Variants in SAMD5 observed in about 807,000 individuals in gnomAD.
SAMD5 encodes sterile alpha motif domain-containing protein 5.
SAMD5 carries 13 observed loss-of-function variants against 11.3 expected under a neutral mutation model. The observed-to-expected ratio is 1.15, with a 90% CI of 0.75 to 1.83. The LOEUF (loss-of-function observed/expected upper bound fraction) is 1.83. Ranked by LOEUF, SAMD5 falls within the 40% of genes most tolerant of loss-of-function variation. SAMD5 has a pLI of 0.00. For missense variants in SAMD5, 255 were observed against 239.1 expected (o/e 1.07, Z -0.44); for synonymous variants, 129 against 111.3 (o/e 1.16, Z -1.00).
chr6:147,535,189 G>A (rs936994258), intron 1 of SAMD5, among the ~76,000 whole-genome samples: 3 of 152,212 alleles, frequency 2.0e-5, no homozygotes, highest in African/African-American at 7.2e-5. Flanking sequence ...TAGTGGGAAT[G>A]GGAGTGAACC....
chr6:147,825,171 G>A, the SAMD5 span, among the ~76,000 whole-genome samples: 1 of 152,002 alleles, frequency 6.6e-6, no homozygotes, highest in Non-Finnish European at 1.5e-5. Context: ...GGTGGTGCAT[G>A]CCTGTAATCC....
chr6:147,769,869 A>C, the SAMD5 span, among the ~76,000 whole-genome samples: 1 of 152,200 alleles, frequency 6.6e-6, no homozygotes, highest in South Asian at 2.1e-4. Flanking sequence ...TTAAAGTGTC[A>C]TAGAAGAACA....
At chr6:147,605,786 AC>A (rs1348703877) in intron 1 of SAMD5, among the ~76,000 whole-genome samples, 1 of 152,122 alleles carries the variant, frequency 6.6e-6, no homozygotes, top group African/African-American at 2.4e-5. Context: ...AAAAACAATT[AC>A]CATCAGGACT....
chr6:147,654,702 AT>A (rs918306958), intron 1 of SAMD5, among the ~76,000 whole-genome samples: 11 of 149,806 alleles, frequency 7.3e-5, no homozygotes, highest in African/African-American at 2.0e-4. Flanking sequence ...TACAGGGTTT[AT>A]TTTTTTTCTC....
At chr6:147,624,157 T>G (rs1467690081) in intron 1 of SAMD5, among the ~76,000 whole-genome samples, 1 of 152,194 alleles carries the variant, frequency 6.6e-6, no homozygotes, top group Non-Finnish European at 1.5e-5. Context: ...GGCGAGCCAC[T>G]GCGCCTGACC....
intron 1 of SAMD5, among the ~76,000 whole-genome samples, chr6:147,575,734 T>G (rs1337528732): frequency 6.6e-6 from 1 of 152,220 alleles, no homozygotes. Flanking sequence ...GTTGACTCTC[T>G]GCTAATATTA....
At chr6:147,823,692 A>T in the SAMD5 span, among the ~76,000 whole-genome samples, 272 of 152,336 alleles carry the variant, frequency 1.8e-3, 1 homozygote, top group African/African-American at 6.0e-3. Flanking sequence ...ACTGAACGGG[A>T]GGCTAAGGAG....
chr6:147,697,603 A>G (rs1047154087), intron 1 of SAMD5, among the ~76,000 whole-genome samples: 1 of 152,214 alleles, frequency 6.6e-6, no homozygotes, highest in Admixed American at 6.5e-5. Flanking sequence ...TTGCAGCTTA[A>G]CAATAAAAAA....
chr6:147,888,523 G>T, the SAMD5 span, among the ~76,000 whole-genome samples: 2 of 152,070 alleles, frequency 1.3e-5, no homozygotes, highest in African/African-American at 4.8e-5. Flanking sequence ...TTTCCAATGA[G>T]AAATCTGTTG....
intron 1 of SAMD5, among the ~76,000 whole-genome samples, chr6:147,589,311 A>C (rs1356625451): frequency 6.6e-6 from 1 of 152,126 alleles, no homozygotes; most frequent in Non-Finnish European, 1.5e-5. Flanking sequence ...TTTAGACAGT[A>C]ATTTATATGT....
chr6:147,852,840 C>A, the SAMD5 span, among the ~76,000 whole-genome samples: 1 of 152,142 alleles, frequency 6.6e-6, no homozygotes, highest in Non-Finnish European at 1.5e-5. Flanking sequence ...CTAGGCCATG[C>A]CTCCCATCCA....
the SAMD5 span, among the ~76,000 whole-genome samples, chr6:147,776,888 G>A: frequency 6.6e-6 from 1 of 152,174 alleles, no homozygotes; most frequent in Admixed American, 6.6e-5. Context: ...AATTGCTATT[G>A]CTTAAGTAAA....
At chr6:147,779,643 A>G in the SAMD5 span, among the ~76,000 whole-genome samples, 1 of 152,114 alleles carries the variant, frequency 6.6e-6, no homozygotes, top group Admixed American at 6.6e-5. Flanking sequence ...TTACAGGCAT[A>G]GACGCTCACT....
At chr6:147,861,727 A>T in the SAMD5 span, among the ~76,000 whole-genome samples, 1 of 152,182 alleles carries the variant, frequency 6.6e-6, no homozygotes, top group African/African-American at 2.4e-5. Flanking sequence ...CCTCGGGTCC[A>T]CTTCCATACC....
At chr6:147,736,753 CA>C (rs761467809) in intron 1 of SAMD5, among the ~76,000 whole-genome samples, 21 of 152,114 alleles carry the variant, frequency 1.4e-4, no homozygotes, top group Non-Finnish European at 4.4e-5. Context: ...AATCTTTAAG[CA>C]TGTATCTTAG....
intron 1 of SAMD5, among the ~76,000 whole-genome samples, chr6:147,526,276 T>C (rs1788338017): frequency 6.6e-6 from 1 of 152,222 alleles, no homozygotes; most frequent in Admixed American, 6.5e-5. Flanking sequence ...TTAATATTAT[T>C]ACTTACATTC....
At chr6:147,661,780 C>T (rs1790651829) in intron 1 of SAMD5, among the ~76,000 whole-genome samples, 2 of 152,138 alleles carry the variant, frequency 1.3e-5, no homozygotes, top group Admixed American at 1.3e-4. Flanking sequence ...CAGGCGCCTG[C>T]CACCATGCCC....
At chr6:147,645,023 G>A (rs1437224726) in intron 1 of SAMD5, among the ~76,000 whole-genome samples, 1 of 152,184 alleles carries the variant, frequency 6.6e-6, no homozygotes, top group East Asian at 1.9e-4. Context: ...TCTCTGAAAA[G>A]ACACTACAAA....
intron 1 of SAMD5, among the ~76,000 whole-genome samples, chr6:147,709,240 C>G (rs1234791123): frequency 1.3e-5 from 2 of 152,020 alleles, no homozygotes; most frequent in African/African-American, 4.8e-5. Flanking sequence ...TTCTTAGGTG[C>G]CTGGATTTCT....
Sources: gnomAD v4.1 joint callset for allele counts (sites outside exome capture counted in the v4.1 genomes callset) on GRCh38, gnomAD v4.1.1 for gene constraint, MANE v1.5 for transcripts, NCBI Gene and HGNC (gene_info 2026-07-23, HGNC 2026-07-21) for gene names.